Variants in OR56B2 observed in about 807,000 individuals in gnomAD.
The protein encoded by OR56B2 is olfactory receptor family 56 subfamily B member 2.
chr11:5,764,327 T>G, the OR56B2 span, among the ~76,000 whole-genome samples: 23 of 141,172 alleles, frequency 1.6e-4, 1 homozygote, highest in Non-Finnish European at 1.6e-5. Context: ...GCGTGCATGT[T>G]TTTAACTTCT....
At chr11:5,763,154 G>T in the OR56B2 span, among the ~76,000 whole-genome samples, 1 of 152,022 alleles carries the variant, frequency 6.6e-6, no homozygotes, top group South Asian at 2.1e-4. Context: ...TATGTTTACA[G>T]ATGCATATGA....
At chr11:5,762,093 A>T in the OR56B2 span, among the ~76,000 whole-genome samples, 1 of 152,152 alleles carries the variant, frequency 6.6e-6, no homozygotes, top group Admixed American at 6.5e-5. Context: ...CATTGTAAGA[A>T]TAAATTGTAC....
the OR56B2 span, chr11:5,765,838 C>A: frequency 7.1e-6 from 1 of 140,398 alleles, no homozygotes; most frequent in Non-Finnish European, 1.6e-5. Context: ...GCCTTAAGTA[C>A]CTGCACCTCC....
At chr11:5,763,555 G>A in the OR56B2 span, among the ~76,000 whole-genome samples, 10 of 139,660 alleles carry the variant, frequency 7.2e-5, 1 homozygote, top group African/African-American at 1.3e-4. Flanking sequence ...CTCCTGATCC[G>A]CCTGCCTGGC....
chr11:5,768,558 A>T, the OR56B2 span, among the ~76,000 whole-genome samples: 1 of 139,694 alleles, frequency 7.2e-6, no homozygotes, highest in South Asian at 2.3e-4. Flanking sequence ...AAATGCAATT[A>T]TCTTCTTTTG....
the OR56B2 span, among the ~76,000 whole-genome samples, chr11:5,767,962 A>G: frequency 6.4e-5 from 9 of 140,188 alleles, 2 homozygotes; most frequent in East Asian, 1.9e-3. Flanking sequence ...CTTTTGAGGT[A>G]ATGGAAATAT....
chr11:5,762,741 A>C, the OR56B2 span, among the ~76,000 whole-genome samples: 1 of 152,024 alleles, frequency 6.6e-6, no homozygotes, highest in African/African-American at 2.4e-5. Context: ...TATTAATAAA[A>C]AAAGACAAAA....
chr11:5,761,488 T>C, the OR56B2 span, among the ~76,000 whole-genome samples: 1 of 152,164 alleles, frequency 6.6e-6, no homozygotes, highest in East Asian at 1.9e-4. Context: ...AATAAAAGTA[T>C]ATTACCACCA....
the OR56B2 span, among the ~76,000 whole-genome samples, chr11:5,762,994 G>C: frequency 6.6e-6 from 1 of 151,836 alleles, no homozygotes; most frequent in Non-Finnish European, 1.5e-5. Flanking sequence ...TTTTATATAT[G>C]ACATTGTTAC....
At chr11:5,762,775 A>G in the OR56B2 span, among the ~76,000 whole-genome samples, 4 of 152,052 alleles carry the variant, frequency 2.6e-5, no homozygotes, top group South Asian at 2.1e-4. Context: ...GAAAAAATCT[A>G]TATCACTGCC....
At chr11:5,763,840 A>T in the OR56B2 span, among the ~76,000 whole-genome samples, 2 of 140,004 alleles carry the variant, frequency 1.4e-5, 1 homozygote, top group East Asian at 4.1e-4. Flanking sequence ...AATGACCTAC[A>T]CACTGATATA....
At chr11:5,761,156 C>A in the OR56B2 span, 1 of 152,168 alleles carries the variant, frequency 6.6e-6, no homozygotes, top group African/African-American at 2.4e-5. Flanking sequence ...GTCATAATAT[C>A]CTAGTCCATC....
the OR56B2 span, among the ~76,000 whole-genome samples, chr11:5,764,216 G>A: frequency 1.4e-5 from 2 of 140,860 alleles, 1 homozygote; most frequent in South Asian, 4.6e-4. Context: ...ATAGAAAGGA[G>A]GTGTCAGATA....
the OR56B2 span, among the ~76,000 whole-genome samples, chr11:5,768,402 C>A: frequency 1.4e-5 from 2 of 139,972 alleles, 1 homozygote; most frequent in Admixed American, 1.5e-4. Context: ...AACATTATTT[C>A]ATTTGTTTTC....
At chr11:5,762,862 T>G in the OR56B2 span, among the ~76,000 whole-genome samples, 9 of 152,250 alleles carry the variant, frequency 5.9e-5, no homozygotes, top group Admixed American at 1.3e-4. Flanking sequence ...CATTTTCTAC[T>G]AGAATTTCAA....
chr11:5,763,106 CTCT>C, the OR56B2 span, among the ~76,000 whole-genome samples: 1 of 152,012 alleles, frequency 6.6e-6, no homozygotes, highest in South Asian at 2.1e-4. Flanking sequence ...TAACCTGAGT[CTCT>C]TTTTTAATTA....
At chr11:5,765,118 G>C in the OR56B2 span, 2 of 149,364 alleles carry the variant, frequency 1.3e-5, no homozygotes, top group African/African-American at 5.2e-5. Context: ...CAGGAGCTCA[G>C]AGATTCCAAC....
the OR56B2 span, among the ~76,000 whole-genome samples, chr11:5,764,409 T>C: frequency 5.2e-4 from 73 of 140,638 alleles, 12 homozygotes; most frequent in African/African-American, 1.8e-3. Flanking sequence ...TAGAAATAAG[T>C]AACACAAAAC....
At chr11:5,763,165 A>C in the OR56B2 span, among the ~76,000 whole-genome samples, 2 of 152,098 alleles carry the variant, frequency 1.3e-5, no homozygotes, top group African/African-American at 4.8e-5. Context: ...ATGCATATGA[A>C]TTACCTCTTT....
Sources: gnomAD v4.1 joint callset for allele counts (sites outside exome capture counted in the v4.1 genomes callset) on GRCh38, gnomAD v4.1.1 for gene constraint, MANE v1.5 for transcripts, NCBI Gene and HGNC (gene_info 2026-07-23, HGNC 2026-07-21) for gene names.